The following VAV1 variants were observed in gnomAD, a reference collection of about 807,000 sequenced individuals.
The protein encoded by VAV1 is vav guanine nucleotide exchange factor 1, also known as proto-oncogene vav.
Under a neutral mutation model 128.1 loss-of-function variants are expected in VAV1, and 33 were observed. The ratio of observed to expected loss-of-function variants is 0.26; its 90% CI spans 0.20 to 0.34. The LOEUF is 0.34. Among genes scored for constraint, VAV1 ranks in the 10% least tolerant of loss-of-function variants. VAV1 has a pLI of 1.00. For missense variants in VAV1, 715 were observed against 1,093.7 expected (o/e 0.65, Z 4.88); for synonymous variants, 394 against 409.8 (o/e 0.96, Z 0.47).
At chr19:6,785,560 G>A (rs1970870123) in intron 1 of VAV1, among the ~76,000 whole-genome samples, 1 of 151,956 alleles carries the variant, frequency 6.6e-6, no homozygotes, top group Non-Finnish European at 1.5e-5. Context: ...TCAAACTCCT[G>A]ACTTCAGGTG....
In VAV1 at chr19:6,848,049, C is replaced by A; in HGVS notation, c.2064C>A (p.Arg688=). The A allele has an allele frequency of 6.5e-7, 1 of 1,539,500 alleles. No individual in the cohort carries two copies. The highest frequency in any genetic ancestry group is 8.7e-7 in the Non-Finnish European group (1 of 1,151,664). The change falls in exon 23 of 27, where the codon CGC becomes CGA. Residue 688 remains arginine, a synonymous_variant. Transcript: ENST00000602142. Reference sequence around the variant, plus strand: ...GGGCAGAGAGCATCCTGGCCAACCGCTCGGACGGGACTTTCTTGGTGCGGC... The same window carrying A: ...GGGCAGAGAGCATCCTGGCCAACCGATCGGACGGGACTTTCTTGGTGCGGC... ...RAGAESILAN[R]SDGTFLVRQR...
chr19:6,851,910 C>T (rs1250841802), intron 24 of VAV1, among the ~76,000 whole-genome samples: 1 of 152,078 alleles, frequency 6.6e-6, no homozygotes, highest in Non-Finnish European at 1.5e-5. Context: ...TTCCTCCATA[C>T]TTTTTATTCT....
intron 1 of VAV1, chr19:6,816,461 T>A (rs538047483): frequency 1.4e-5 from 2 of 146,432 alleles, no homozygotes; most frequent in Non-Finnish European, 3.0e-5. Context: ...CACTCCAGCC[T>A]GGACAACAGA....
Position 6,850,684 on chromosome 19 carries a change from T to C in VAV1, c.2144T>C (p.Val715Ala). Residue 715 changes from valine to alanine, a missense_variant, in exon 24 of 27, where the codon GTC becomes GCC. Val to Ala is a moderately conservative substitution (Grantham distance 64). This residue lies in a region of VAV1 where 407 missense variants were observed against 580.6 expected (regional missense o/e 0.70). Transcript: ENST00000602142. ...FAISIKYNVE[V>A]KHIKIMTAEG... is the part of the protein sequence containing the mutation. ...TCTGGTTCCAGATATAACGTCGAGG[T>C]CAAGCACATTAAAATCATGACAGCA... 6.2e-7 allele frequency: 1 copy of C among 1,613,702 alleles called. No homozygotes were observed. The highest frequency in any genetic ancestry group is 1.3e-5 in the African/African-American group (1 of 74,858).
intron 1 of VAV1, among the ~76,000 whole-genome samples, chr19:6,819,857 T>C (rs548052155): frequency 2.0e-4 from 31 of 152,350 alleles, no homozygotes; most frequent in Non-Finnish European, 3.1e-4. Context: ...AATGCAAGAA[T>C]ACAAAGGTTT....
chr19:6,829,773 T>A lies in VAV1; in HGVS notation c.1266-13T>A, dbSNP rs751078934. The A allele has an allele frequency of 1.2e-6, 2 of 1,613,980 alleles. No homozygotes were observed. Among genetic ancestry groups the A allele is most frequent in the South Asian group, 1.1e-5 (1 of 91,082 alleles). On this transcript the variant is annotated splice_polypyrimidine_tract_variant and intron_variant, in intron 13 of 26. Coordinates refer to ENST00000602142, the MANE Select transcript of VAV1 (RefSeq NM_005428.4). ...GGAAGAGCCAGACAGGAATGCGTTA[T>A]CCATCCTTCCAGGTATGCCTTCCTG...
At chr19:6,851,705 T>C (rs893679599) in intron 24 of VAV1, among the ~76,000 whole-genome samples, 5 of 152,170 alleles carry the variant, frequency 3.3e-5, no homozygotes, top group Non-Finnish European at 7.3e-5. Flanking sequence ...TTTTCAACCA[T>C]ATTTTAGACA....
intron 1 of VAV1, among the ~76,000 whole-genome samples, chr19:6,806,591 C>T (rs1039397416): frequency 2.0e-5 from 3 of 152,168 alleles, no homozygotes; most frequent in African/African-American, 2.4e-5. Context: ...TGCTCCAGAC[C>T]GCCTAACCTC....
At chr19:6,844,057 C>T (rs1263563754) in intron 22 of VAV1, among the ~76,000 whole-genome samples, 2 of 22,380 alleles carry the variant, frequency 8.9e-5, no homozygotes, top group Admixed American at 5.7e-4. Context: ...TTTTCTTCTT[C>T]TTCTTCTTTT....
rs538217930 is a variant in VAV1 at position 6,806,096 on chromosome 19, C to CT, written c.205-14598dup. ...GCCACCTGTTTTTGTAAATGAAGCT[C>CT]TTTTTTTTGAGATGGAGTCTCACTC... On this transcript the variant is annotated intron_variant, in intron 1 of 26. Transcript: ENST00000602142. Among the ~76,000 whole-genome samples the CT allele has an allele frequency of 5.3e-5, 8 of 151,894 alleles. No individual in the cohort carries two copies. The South Asian group carries it at 1.2e-3, about 24-fold the overall frequency.
At chr19:6,816,111 C>T (rs1210794806) in intron 1 of VAV1, among the ~76,000 whole-genome samples, 1 of 151,474 alleles carries the variant, frequency 6.6e-6, no homozygotes, top group African/African-American at 2.4e-5. Context: ...GCTCCGCCTC[C>T]TGGGTTCACG....
intron 1 of VAV1, among the ~76,000 whole-genome samples, chr19:6,816,124 A>G (rs1351238312): frequency 6.8e-6 from 1 of 146,876 alleles, no homozygotes; most frequent in Non-Finnish European, 1.5e-5. Flanking sequence ...GGTTCACGCC[A>G]TTCTCCTGCC....
intron 1 of VAV1, among the ~76,000 whole-genome samples, chr19:6,795,783 A>G (rs998524078): frequency 5.3e-5 from 8 of 152,288 alleles, no homozygotes; most frequent in Non-Finnish European, 1.2e-4. Flanking sequence ...TCCTGGGTTC[A>G]AGTGATTCTC....
chr19:6,857,027 A>G (rs1169145382), intron 26 of VAV1, 27 bp from the exon 27 acceptor site: 1 of 1,610,868 alleles, frequency 6.2e-7, no homozygotes, highest in East Asian at 2.2e-5. Flanking sequence ...CAGAGGTTGC[A>G]CTGATGAACT....
Position 6,828,455 on chromosome 19 carries a change from G to T in VAV1, c.1060G>T (p.Glu354Ter). 6.2e-7 allele frequency: 1 copy of T among 1,614,182 alleles called. No homozygotes were observed. The highest frequency in any genetic ancestry group is 8.5e-7 in the Non-Finnish European group (1 of 1,180,032). The change falls in exon 11 of 27, where the codon GAG becomes TAG. Residue 354 changes from glutamate (E) to a stop codon, truncating the protein, a stop_gained. Transcript: ENST00000602142. LOFTEE classifies it high-confidence loss of function. This position sits in a 1 kb window ranked among gnomAD's most constrained non-coding sequence, Gnocchi z 4.5. Reference sequence around the variant, plus strand: ...ACACACGCAGGAGGCGATGGAGAAGGAGAACCTGCGGCTGGCCCTGGATGC... The same window carrying T: ...ACACACGCAGGAGGCGATGGAGAAGTAGAACCTGCGGCTGGCCCTGGATGC... ...VKHTQEAMEKENLRLALDAMR... is the reference protein window; with the variant it reads ...VKHTQEAMEK
chr19:6,814,427 T>C (rs1458355649), intron 1 of VAV1, among the ~76,000 whole-genome samples: 1 of 152,124 alleles, frequency 6.6e-6, no homozygotes, highest in Admixed American at 6.5e-5. Flanking sequence ...TTGCTTACTG[T>C]AGGATTTCAC....
rs1301290033 is a variant in VAV1 at position 6,826,460 on chromosome 19, G to T, written c.828-152G>T. On this transcript the variant is annotated intron_variant, in intron 8 of 26. Coordinates refer to ENST00000602142, the MANE Select transcript of VAV1 (RefSeq NM_005428.4). This position sits in a 1 kb window ranked among gnomAD's most constrained non-coding sequence, Gnocchi z 4.1. ...GATAATGCTACAATAGCCTCACATG[G>T]GAGATGCTATTGTTATGCCCATTTC... The T allele has an allele frequency of 3.2e-6, 2 of 623,182 alleles. No homozygotes were observed. The highest frequency in any genetic ancestry group is 5.8e-6 in the Non-Finnish European group (2 of 343,306). 38.6% of individuals were successfully genotyped at this position (623,182 alleles called of 1,614,324 possible).
chr19:6,829,944 G>A (rs766077182), intron 14 of VAV1, 26 bp downstream of exon 14: 3 of 1,613,792 alleles, frequency 1.9e-6, no homozygotes, highest in Middle Eastern at 1.7e-4. Flanking sequence ...CGGAACTATG[G>A]GGTCCTCCAC....
chr19:6,834,601 TTAA>T (rs199645156), intron 19 of VAV1, among the ~76,000 whole-genome samples: 3,254 of 146,456 alleles, frequency 0.022, 114 homozygotes, highest in African/African-American at 0.074. Context: ...AATTTATTAT[TTAA>T]TAATATATTA....
Sources: gnomAD v4.1 joint callset for allele counts (sites outside exome capture counted in the v4.1 genomes callset) on GRCh38, gnomAD v4.1.1 for gene constraint, gnomAD v4.1.1 regional missense constraint, Gnocchi (gnomAD v3.1) non-coding constraint, MANE v1.5 for transcripts, NCBI Gene and HGNC (gene_info 2026-07-23, HGNC 2026-07-21) for gene names.